The following PHAF1 variants were observed in gnomAD, a reference collection of about 807,000 sequenced individuals.
PHAF1 encodes phagosome assembly factor 1.
PHAF1 carries 23 observed loss-of-function variants against 63.1 expected under a neutral mutation model. That is an observed-to-expected ratio of 0.36 (90% CI 0.26 to 0.52). PHAF1 has a LOEUF of 0.52. Among genes scored for constraint, PHAF1 ranks in the 20% least tolerant of loss-of-function variants. The pLI, the probability that PHAF1 is intolerant of heterozygous loss-of-function variation, is 0.93. For missense variants in PHAF1, 427 were observed against 517.2 expected (o/e 0.83, Z 1.69); for synonymous variants, 167 against 185.0 (o/e 0.90, Z 0.79).
At chr16:67,143,648 AG>A (rs931084045) in intron 10 of PHAF1, among the ~76,000 whole-genome samples, 1 of 152,154 alleles carries the variant, frequency 6.6e-6, no homozygotes, top group African/African-American at 2.4e-5. Flanking sequence ...GCACTACTCT[AG>A]GAGTTCGGGA....
chr16:67,131,396 A>T (rs1386834483), intron 4 of PHAF1, 67 bp downstream of exon 4: 1 of 1,156,998 alleles, frequency 8.6e-7, no homozygotes, highest in Non-Finnish European at 1.2e-6. Context: ...CTATCTTCAT[A>T]AGTTAGTAAA....
chr16:67,139,521 G>A lies in PHAF1; in HGVS notation c.662-463G>A, dbSNP rs567140948. ...CCACCACCATGCCCAGCTAATTTTT[G>A]TATGTTTTTGTAGAGACGGAGTATC... On this transcript the variant is annotated intron_variant, in intron 8 of 15. Transcript: ENST00000219139. 2.8e-3 allele frequency: 442 copies of A among 158,710 alleles called. 1 individual carries two copies. The highest frequency in any genetic ancestry group is 0.011 in the African/African-American group (431 of 40,886). 9.8% of individuals were successfully genotyped at this position (158,710 alleles called of 1,614,324 possible).
chr16:67,113,457 T>C (rs1247739375), intron 1 of PHAF1, among the ~76,000 whole-genome samples: 2 of 150,664 alleles, frequency 1.3e-5, no homozygotes, highest in Non-Finnish European at 3.0e-5. Flanking sequence ...TTTTCTTTTT[T>C]TTTTTTTTTT....
intron 2 of PHAF1, among the ~76,000 whole-genome samples, chr16:67,122,490 C>A (rs905369516): frequency 9.4e-5 from 14 of 148,738 alleles, no homozygotes; most frequent in African/African-American, 3.5e-4. Flanking sequence ...ATTCAGGAGG[C>A]TGAGGTGGGA....
chr16:67,143,761 C>T (rs952126751), intron 10 of PHAF1, among the ~76,000 whole-genome samples: 1 of 151,954 alleles, frequency 6.6e-6, no homozygotes, highest in Non-Finnish European at 1.5e-5. Context: ...ATGGATAGTA[C>T]AGTGTGTTGA....
chr16:67,126,451 C>T (rs1008401157), intron 3 of PHAF1, among the ~76,000 whole-genome samples: 1 of 152,054 alleles, frequency 6.6e-6, no homozygotes, highest in Non-Finnish European at 1.5e-5. Flanking sequence ...GTTAACAATA[C>T]CAGCAATGAG....
intron 4 of PHAF1, 144 bp downstream of exon 4, chr16:67,131,473 C>T: frequency 1.6e-6 from 1 of 610,756 alleles, no homozygotes; most frequent in Non-Finnish European, 2.8e-6. Flanking sequence ...ACCTTCAAGC[C>T]TGCTCAGTTT....
intron 10 of PHAF1, among the ~76,000 whole-genome samples, chr16:67,141,448 C>T (rs139739778): frequency 5.7e-4 from 87 of 152,338 alleles, no homozygotes; most frequent in African/African-American, 1.7e-3. Context: ...CTACTTTGGC[C>T]GGTGGCACCT....
intron 8 of PHAF1, among the ~76,000 whole-genome samples, chr16:67,138,078 A>G (rs1053813571): frequency 5.3e-5 from 8 of 152,128 alleles, no homozygotes; most frequent in Admixed American, 3.3e-4. Flanking sequence ...AAGTAGCTGA[A>G]ACTCTTAGTA....
rs909440551 is a variant in PHAF1 at position 67,110,100 on chromosome 16, C to T, written c.-76C>T. On this transcript the variant is annotated 5_prime_UTR_variant, in exon 1 of 16. Coordinates refer to ENST00000219139, the MANE Select transcript of PHAF1 (RefSeq NM_025187.5). ...GGGCCGGCGGGGGCGGCCTGTCAGC[C>T]GCTGCTTTGTCTCCTTAGCTCGGGT... The T allele has an allele frequency of 5.1e-5, 76 of 1,480,590 alleles. No homozygotes were observed. Among genetic ancestry groups the T allele is most frequent in the Non-Finnish European group, 6.8e-5 (75 of 1,098,034 alleles). The allele number at this position is 1,480,590 out of a possible 1,614,324, so 91.7% of individuals were successfully genotyped here.
At chr16:67,138,412 A>C (rs571505164) in intron 8 of PHAF1, among the ~76,000 whole-genome samples, 1 of 152,318 alleles carries the variant, frequency 6.6e-6, no homozygotes, top group East Asian at 1.9e-4. Context: ...ATTGTTACAC[A>C]TGAGAGAACT....
Position 67,125,979 on chromosome 16 carries a change from C to G in PHAF1, c.168C>G (p.Leu56=). 1 of 1,612,326 alleles carries G rather than the reference C, an allele frequency of 6.2e-7. No individual in the cohort carries two copies. Residue 56 remains leucine, a synonymous_variant, in exon 3 of 16, where the codon CTC becomes CTG. Coordinates refer to ENST00000219139, the MANE Select transcript of PHAF1 (RefSeq NM_025187.5). The part of the protein sequence containing the change: ...YSEQSPLSHD[L]ILNLTQDGIK... ...TGTAGTCTCCTCTAAGCCATGACCT[C>G]ATTCTTAACCTGACTCAGGACGGGA...
chr16:67,127,046 G>A (rs148945173), intron 3 of PHAF1, among the ~76,000 whole-genome samples: 3,087 of 151,422 alleles, frequency 0.02, 99 homozygotes, highest in African/African-American at 0.07. Flanking sequence ...GTGCCACTAC[G>A]CCCAGCTAAT....
At chr16:67,145,537 A>C in intron 13 of PHAF1, 33 bp from the exon 14 acceptor site, 8 of 1,613,736 alleles carry the variant, frequency 5.0e-6, no homozygotes, top group Non-Finnish European at 6.8e-6. Flanking sequence ...TCATGTCCCT[A>C]CTAACCCCTG....
At chr16:67,119,124 A>T (rs994124533) in intron 1 of PHAF1, among the ~76,000 whole-genome samples, 1 of 152,190 alleles carries the variant, frequency 6.6e-6, no homozygotes, top group Non-Finnish European at 1.5e-5. Flanking sequence ...GTACTCTAAT[A>T]GGCCTTCATT....
At chr16:67,135,585 C>T (rs150708872) in intron 8 of PHAF1, 6 of 152,340 alleles carry the variant, frequency 3.9e-5, no homozygotes, top group Admixed American at 2.0e-4. Context: ...CTCAAGTGAT[C>T]TCACCTAAGC....
chr16:67,117,338 C>T (rs577998390), intron 1 of PHAF1, among the ~76,000 whole-genome samples: 21 of 150,350 alleles, frequency 1.4e-4, no homozygotes, highest in Non-Finnish European at 2.2e-4. Context: ...TGTGAGCCAC[C>T]GCGCCCAGCC....
At chr16:67,124,860 G>T (rs1963122120) in intron 2 of PHAF1, among the ~76,000 whole-genome samples, 1 of 150,602 alleles carries the variant, frequency 6.6e-6, no homozygotes, top group South Asian at 2.1e-4. Context: ...CCAAGATTGT[G>T]CCACCGCACT....
chr16:67,140,541 C>G lies in PHAF1; in HGVS notation c.826C>G (p.Gln276Glu). Residue 276 changes from glutamine to glutamate, a missense_variant, in exon 10 of 16, where the codon CAA (glutamine) becomes GAA (glutamate). Gln to Glu is a conservative substitution (Grantham distance 29). Transcript: ENST00000219139. ...AATTCATTCTCCTTCCCCTCATAAA[C>G]AAGTTCCATCGAAGTGTAATGACTA... is the stretch of plus-strand genomic sequence containing the variant. ...MKIHSPSPHK[Q>E]VPSKCNDYFF... is the part of the protein sequence containing the mutation. 1 of 1,601,142 alleles carries G rather than the reference C, an allele frequency of 6.2e-7. No homozygotes were observed. Among genetic ancestry groups the G allele is most frequent in the African/African-American group, 1.3e-5 (1 of 74,786 alleles).
Sources: allele counts gnomAD v4.1 joint callset (sites outside exome capture counted in the v4.1 genomes callset), GRCh38; gene constraint gnomAD v4.1.1; transcripts MANE v1.5; gene names NCBI Gene and HGNC (gene_info 2026-07-23, HGNC 2026-07-21).